SLC6A13: variants seen among roughly 807,000 people sequenced by gnomAD.
The protein encoded by SLC6A13 is solute carrier family 6 member 13.
A neutral mutation model predicts 72.9 loss-of-function variants in SLC6A13; 69 were observed. The ratio of observed to expected loss-of-function variants is 0.95; its 90% CI spans 0.78 to 1.16. The LOEUF (loss-of-function observed/expected upper bound fraction) is 1.16, where lower values mean the gene tolerates loss of function less well. SLC6A13 is among the 50% of genes most tolerant of loss of function. SLC6A13 has a pLI of 0.00. For missense variants in SLC6A13, 735 were observed against 760.5 expected (o/e 0.97, Z 0.39); for synonymous variants, 303 against 303.0 (o/e 1.00, Z 0.00).
intron 4 of SLC6A13, among the ~76,000 whole-genome samples, chr12:241,383 T>C (rs1428016327): frequency 6.6e-6 from 1 of 152,176 alleles, no homozygotes; most frequent in African/African-American, 2.4e-5. Flanking sequence ...CCTTGTTGAC[T>C]GGTGCTGGAA....
chr12:247,012 AAAAAAAAAAAGAAAG>A (rs1942376114), intron 2 of SLC6A13, among the ~76,000 whole-genome samples: 1 of 134,374 alleles, frequency 7.4e-6, no homozygotes, highest in Non-Finnish European at 1.6e-5. Flanking sequence ...CATCTCAAAA[AAAAAAAAAAAGAAAG>A]AAAGAAAAGA....
chr12:262,823 G>T lies in SLC6A13; in HGVS notation c.-40C>A. The T allele has an allele frequency of 6.3e-6, 2 of 319,440 alleles. No homozygotes were observed. Among genetic ancestry groups the T allele is most frequent in the Non-Finnish European group, 9.0e-6 (2 of 221,188 alleles). 19.8% of individuals were successfully genotyped at this position (319,440 alleles called of 1,614,324 possible). On this transcript the variant is annotated 5_prime_UTR_variant, in exon 1 of 15. Coordinates refer to ENST00000343164, the MANE Select transcript of SLC6A13 (RefSeq NM_016615.5). Reference sequence around the variant, plus strand: ...GCTGCTGCCAGAGGTCCAGTCAGGGGAGAAGAATTATCTAAGGGGGAAGGA... The same window carrying T: ...GCTGCTGCCAGAGGTCCAGTCAGGGTAGAAGAATTATCTAAGGGGGAAGGA...
rs376849245 is a variant in SLC6A13 at position 257,760 on chromosome 12, T to A, written c.202+2091A>T. The stretch of plus-strand genomic sequence containing the variant: ...ACAAAGGACCGGGGAGAGTCCCTCA[T>A]CCCCCACGTTCCAGTCACTGCTCCC... On this transcript the variant is annotated intron_variant, in intron 2 of 14. Transcript: ENST00000343164. Among the ~76,000 whole-genome samples the A allele has an allele frequency of 3.9e-5, 6 of 151,948 alleles. No individual in the cohort carries two copies. The East Asian group carries it at 9.7e-4, about 25-fold the overall frequency.
chr12:242,810 T>C lies in SLC6A13; in HGVS notation c.338-56A>G, dbSNP rs773791867. The C allele has an allele frequency of 2.6e-6, 4 of 1,526,034 alleles. No homozygotes were observed. The South Asian group carries it at 3.6e-5, about 14-fold the overall frequency. The allele number at this position is 1,526,034 out of a possible 1,614,324, so 94.5% of individuals were successfully genotyped here. A position where few individuals can be genotyped will look rare whatever the true frequency, so the allele number is the denominator to read the frequency against. On this transcript the variant is annotated intron_variant, in intron 3 of 14. Transcript: ENST00000343164. Reference sequence around the variant, plus strand: ...ACGGTGGACAGCGGTGGCGTGCACCTGTCATTTCAGCTATGCGGGACGCTG... The same window carrying C: ...ACGGTGGACAGCGGTGGCGTGCACCCGTCATTTCAGCTATGCGGGACGCTG...
rs1368692518 is a variant in SLC6A13, at chr12:224,388, T to C, written c.1173+13A>G. ...ACTCATCTCTCAGCCTCTGAGTGGC[T>C]GCCTCTTGATACCTGGCTATCCAGT... On this transcript the variant is annotated intron_variant, in intron 10 of 14. Coordinates refer to ENST00000343164, the MANE Select transcript of SLC6A13 (RefSeq NM_016615.5). The C allele has an allele frequency of 1.2e-5, 20 of 1,605,934 alleles. No homozygotes were observed. The highest frequency in any genetic ancestry group is 2.7e-5 in the African/African-American group (2 of 74,784).
At chr12:243,487 A>G (rs1473059272) in intron 3 of SLC6A13, among the ~76,000 whole-genome samples, 192 bp downstream of exon 3, 2 of 152,136 alleles carry the variant, frequency 1.3e-5, no homozygotes, top group African/African-American at 4.8e-5. Flanking sequence ...CCCCATCCTC[A>G]CTGCTGTTTC....
At chr12:259,710 T>A in intron 2 of SLC6A13, 141 bp downstream of exon 2, 3 of 1,562,516 alleles carry the variant, frequency 1.9e-6, no homozygotes, top group Non-Finnish European at 1.7e-6. Flanking sequence ...TCTTACAGAG[T>A]GTCCTTAATG....
intron 6 of SLC6A13, among the ~76,000 whole-genome samples, chr12:236,304 T>C (rs1257186628): frequency 6.6e-6 from 1 of 152,234 alleles, no homozygotes; most frequent in Non-Finnish European, 1.5e-5. Flanking sequence ...GGTCTGAGAC[T>C]CAGGTGGGCA....
intron 7 of SLC6A13, 63 bp from the exon 8 acceptor site, chr12:227,731 C>A: frequency 7.1e-7 from 1 of 1,399,128 alleles, no homozygotes; most frequent in Non-Finnish European, 9.8e-7. Flanking sequence ...AAGCCATGGG[C>A]GGACACAGGC....
At chr12:262,161 C>T (rs1942947636) in intron 1 of SLC6A13, among the ~76,000 whole-genome samples, 1 of 152,108 alleles carries the variant, frequency 6.6e-6, no homozygotes, top group African/African-American at 2.4e-5. Context: ...CCTCCCAGAC[C>T]CTAGGAGAAA....
At chr12:233,527 GC>G (rs1296660620) in intron 7 of SLC6A13, among the ~76,000 whole-genome samples, 1 of 152,170 alleles carries the variant, frequency 6.6e-6, no homozygotes, top group Middle Eastern at 3.2e-3. Flanking sequence ...CTTAACACTA[GC>G]CCAGCTGGCT....
intron 7 of SLC6A13, among the ~76,000 whole-genome samples, chr12:230,313 GT>G (rs1487856584): frequency 1.3e-5 from 2 of 152,298 alleles, no homozygotes; most frequent in Non-Finnish European, 2.9e-5. Flanking sequence ...TGGGAAAGAT[GT>G]TTTCAGCCTC....
At chr12:224,247 G>A (rs915611934) in intron 10 of SLC6A13, 118 bp from the exon 11 acceptor site, 2 of 1,452,510 alleles carry the variant, frequency 1.4e-6, no homozygotes, top group East Asian at 4.7e-5. Flanking sequence ...CAGGTCCCCT[G>A]AGCTATTGTC....
intron 4 of SLC6A13, among the ~76,000 whole-genome samples, chr12:240,278 AC>A (rs1454908247): frequency 1.3e-5 from 2 of 152,190 alleles, no homozygotes; most frequent in Admixed American, 6.5e-5. Flanking sequence ...ATCTCGGCTC[AC>A]TGCAACCTCC....
rs1190740502 is a variant in SLC6A13 at position 228,572 on chromosome 12, T to G, written c.832-904A>C. On this transcript the variant is annotated intron_variant, in intron 7 of 14. Transcript: ENST00000343164. The stretch of plus-strand genomic sequence containing the variant: ...AGAACCCCCCCAAGCAGGCCCCTGC[T>G]TTCCACAAAACCCTCTATCCTTTCA... 5.3e-5 allele frequency among the ~76,000 whole-genome samples: 8 copies of G among 152,254 alleles called. No individual in the cohort carries two copies. The South Asian group carries it at 8.3e-4, about 16-fold the overall frequency.
At chr12:239,906 GCTCA>G (rs929413715) in intron 4 of SLC6A13, among the ~76,000 whole-genome samples, 2 of 152,160 alleles carry the variant, frequency 1.3e-5, no homozygotes, top group African/African-American at 2.4e-5. Context: ...GTAAAACCAG[GCTCA>G]CTAAGAGAGA....
chr12:225,418 G>A (rs542612790), intron 9 of SLC6A13, among the ~76,000 whole-genome samples: 1 of 152,230 alleles, frequency 6.6e-6, no homozygotes, highest in Non-Finnish European at 1.5e-5. Flanking sequence ...GGGAGGCTGG[G>A]GTGGGTGGAT....
chr12:261,606 CT>C (rs1370926805), intron 1 of SLC6A13, among the ~76,000 whole-genome samples: 1 of 152,218 alleles, frequency 6.6e-6, no homozygotes, highest in Admixed American at 6.5e-5. Flanking sequence ...ACAGACTCTA[CT>C]TTGGCTCTGA....
At chr12:249,563 A>C (rs1483760508) in intron 2 of SLC6A13, among the ~76,000 whole-genome samples, 2 of 152,168 alleles carry the variant, frequency 1.3e-5, no homozygotes, top group South Asian at 2.1e-4. Context: ...CCACTCAAAA[A>C]GAAACAGTCT....
Sources: gnomAD v4.1 joint callset for allele counts (sites outside exome capture counted in the v4.1 genomes callset) on GRCh38, gnomAD v4.1.1 for gene constraint, MANE v1.5 for transcripts, NCBI Gene and HGNC (gene_info 2026-07-23, HGNC 2026-07-21) for gene names.